The following C4orf36 variants were observed in gnomAD, a reference collection of about 807,000 sequenced individuals.
C4orf36 encodes uncharacterized protein C4orf36.
In C4orf36, 11 loss-of-function variants were observed where a neutral mutation model predicts 12.2. That is an observed-to-expected ratio of 0.90 (90% CI 0.57 to 1.49). The LOEUF (loss-of-function observed/expected upper bound fraction) is 1.49, where lower values mean the gene tolerates loss of function less well. Ranked by LOEUF, C4orf36 falls within the 40% of genes most tolerant of loss-of-function variation. The pLI is 0.00. For missense variants in C4orf36, 137 were observed against 133.9 expected (o/e 1.02, Z -0.11); for synonymous variants, 54 against 51.3 (o/e 1.05, Z -0.22).
the C4orf36 span, among the ~76,000 whole-genome samples, chr4:86,928,985 A>C: frequency 6.6e-6 from 1 of 152,046 alleles, no homozygotes; most frequent in Admixed American, 6.5e-5. Context: ...TGCCTTCCCC[A>C]AGTCCTTTAG....
chr4:86,876,277 T>C lies in C4orf36; in HGVS notation c.*169A>G. ...ACTGAGTTCCACTGAAATTAAGAGA[T>C]TTTCTCGGTCTCTGGGCGGGCCGTG... On this transcript the variant is annotated 3_prime_UTR_variant, in exon 5 of 5. Transcript: ENST00000295898. The C allele has an allele frequency of 1.1e-6, 1 of 874,998 alleles. No homozygotes were observed. Among genetic ancestry groups the C allele is most frequent in the South Asian group, 2.3e-5 (1 of 43,190 alleles). The allele number at this position is 874,998 out of a possible 1,614,324, so 54.2% of individuals were successfully genotyped here. A position where few individuals can be genotyped will look rare whatever the true frequency, so the allele number is the denominator to read the frequency against.
the C4orf36 span, among the ~76,000 whole-genome samples, chr4:86,920,476 A>T: frequency 2.0e-5 from 3 of 152,116 alleles, no homozygotes; most frequent in Admixed American, 6.6e-5. Flanking sequence ...CTTGGTACCA[A>T]TTTTTTTGTC....
At chr4:86,936,078 T>A in the C4orf36 span, 3 of 152,156 alleles carry the variant, frequency 2.0e-5, no homozygotes, top group Non-Finnish European at 4.4e-5. Context: ...CCGGAGCTTC[T>A]CCACCACCAG....
At chr4:86,908,023 C>T in the C4orf36 span, among the ~76,000 whole-genome samples, 6 of 151,948 alleles carry the variant, frequency 3.9e-5, no homozygotes, top group Admixed American at 3.9e-4. Context: ...AAAGTTTCTC[C>T]AGTGGGAGGG....
At chr4:86,931,711 T>C in the C4orf36 span, among the ~76,000 whole-genome samples, 1 of 152,212 alleles carries the variant, frequency 6.6e-6, no homozygotes, top group South Asian at 2.1e-4. Context: ...TTTTATTCTA[T>C]TTTTAATCAT....
the C4orf36 span, among the ~76,000 whole-genome samples, chr4:86,922,109 T>C: frequency 0.15 from 23,000 of 152,126 alleles, 2,067 homozygotes; most frequent in East Asian, 0.28. Context: ...AAAACACACA[T>C]AAATAGGCAA....
At chr4:86,890,980 C>A (rs1201252605) in intron 2 of C4orf36, among the ~76,000 whole-genome samples, 1 of 151,012 alleles carries the variant, frequency 6.6e-6, no homozygotes, top group Non-Finnish European at 1.5e-5. Flanking sequence ...ATGTGTTGTC[C>A]ATCCACTGCC....
At chr4:86,903,224 T>G in the C4orf36 span, among the ~76,000 whole-genome samples, 5 of 152,372 alleles carry the variant, frequency 3.3e-5, no homozygotes, top group Admixed American at 3.3e-4. Context: ...ATGTTGTAAG[T>G]GGCCAGGCCC....
the C4orf36 span, among the ~76,000 whole-genome samples, chr4:86,902,003 T>C: frequency 6.6e-6 from 1 of 152,106 alleles, no homozygotes; most frequent in Non-Finnish European, 1.5e-5. Flanking sequence ...TAATCTCTAG[T>C]GTACTTATGA....
chr4:86,883,817 C>T (rs1331607848), intron 4 of C4orf36, among the ~76,000 whole-genome samples: 1 of 152,132 alleles, frequency 6.6e-6, no homozygotes, highest in African/African-American at 2.4e-5. Flanking sequence ...CACTTGAGGT[C>T]AGAAGTTCGA....
At chr4:86,891,321 C>G in intron 2 of C4orf36, 135 bp downstream of exon 2, 1 of 607,762 alleles carries the variant, frequency 1.6e-6, no homozygotes. Flanking sequence ...AAATCAGATC[C>G]CAGACACCTC....
At chr4:86,893,581 CAAA>C (rs559916313), upstream of C4orf36, among the ~76,000 whole-genome samples, 5 of 135,346 alleles carry the variant, frequency 3.7e-5, no homozygotes, top group Non-Finnish European at 3.2e-5. Flanking sequence ...GACTCCATCT[CAAA>C]AAAAAAAAAA....
the C4orf36 span, among the ~76,000 whole-genome samples, chr4:86,918,808 TGC>T: frequency 1.3e-4 from 3 of 23,824 alleles, no homozygotes; most frequent in Admixed American, 7.3e-4. Flanking sequence ...GTGTTGTGTG[TGC>T]GTGTGTGTGT....
At chr4:86,923,281 G>A in the C4orf36 span, among the ~76,000 whole-genome samples, 6 of 151,604 alleles carry the variant, frequency 4.0e-5, no homozygotes, top group Admixed American at 3.9e-4. Flanking sequence ...TGTAGAGATG[G>A]GGTCTCACTA....
the C4orf36 span, chr4:86,913,511 G>A: frequency 1.2e-6 from 1 of 817,690 alleles, no homozygotes; most frequent in South Asian, 1.4e-5. Flanking sequence ...CGTCCAACCT[G>A]GAGATGAAGG....
At chr4:86,893,590 A>T (rs1314848458), upstream of C4orf36, among the ~76,000 whole-genome samples, 1 of 151,790 alleles carries the variant, frequency 6.6e-6, no homozygotes. Context: ...TCAAAAAAAA[A>T]AAAAAGATAA....
At chr4:86,895,189 A>G (rs951030971), upstream of C4orf36, among the ~76,000 whole-genome samples, 7 of 151,962 alleles carry the variant, frequency 4.6e-5, no homozygotes, top group Non-Finnish European at 8.8e-5. Context: ...GGTGGCACAC[A>G]CCTGTAGCCC....
At chr4:86,917,455 G>GA in the C4orf36 span, among the ~76,000 whole-genome samples, 151 of 95,386 alleles carry the variant, frequency 1.6e-3, no homozygotes, top group Non-Finnish European at 2.8e-3. Context: ...AAGAGAAAAA[G>GA]AAAGAAAGAA....
At chr4:86,933,444 A>T in the C4orf36 span, 2 of 152,196 alleles carry the variant, frequency 1.3e-5, no homozygotes, top group Admixed American at 1.3e-4. Flanking sequence ...GCAAAATTAC[A>T]ATCTTCAATT....
Sources: allele counts gnomAD v4.1 joint callset (sites outside exome capture counted in the v4.1 genomes callset), GRCh38; gene constraint gnomAD v4.1.1; transcripts MANE v1.5; gene names NCBI Gene and HGNC (gene_info 2026-07-23, HGNC 2026-07-21).